ZC3H12B: variants seen among roughly 807,000 people sequenced by gnomAD.
ZC3H12B encodes zinc finger CCCH-type containing 12B, also known as probable ribonuclease ZC3H12B.
ZC3H12B carries 7 observed loss-of-function variants against 43.9 expected under a neutral mutation model. The ratio of observed to expected loss-of-function variants is 0.16; its 90% CI spans 0.09 to 0.30. The LOEUF is 0.30. ZC3H12B is among the 10% of genes least tolerant of loss of function. The pLI is 1.00. For missense variants in ZC3H12B, 475 were observed against 670.2 expected (o/e 0.71, Z 3.22); for synonymous variants, 222 against 241.7 (o/e 0.92, Z 0.76).
At chrX:65,489,360 A>C in exon 1 of ZC3H12B, 1 of 1,208,628 alleles carries the variant, frequency 8.3e-7, no homozygotes, top group Non-Finnish European at 1.1e-6. Flanking sequence ...AATAGATAAC[A>C]GTGACAATTT....
At chrX:65,206,034 A>G in the ZC3H12B span, among the ~76,000 whole-genome samples, 2 of 112,120 alleles carry the variant, frequency 1.8e-5, no homozygotes, top group Non-Finnish European at 1.9e-5. Flanking sequence ...ACAAATGGAA[A>G]CACCATGCTC....
At chrX:65,458,433 TTCCAAAATTGACCACA>T (rs1303636645) in intron 3 of ZC3H12B, among the ~76,000 whole-genome samples, 2 of 111,563 alleles carry the variant, frequency 1.8e-5, no homozygotes, top group Non-Finnish European at 3.8e-5. Context: ...ACCACACTTA[TTCCAAAATTGACCACA>T]TAGTTGGAAG....
chrX:65,287,971 C>T, the ZC3H12B span, among the ~76,000 whole-genome samples: 1 of 95,663 alleles, frequency 1.0e-5, no homozygotes, highest in South Asian at 4.1e-4. Context: ...ACAGCTGATA[C>T]CACTGAAATT....
chrX:65,174,852 G>C, the ZC3H12B span, among the ~76,000 whole-genome samples: 1 of 110,588 alleles, frequency 9.0e-6, no homozygotes, highest in East Asian at 2.8e-4. Context: ...TTGGCTCCCT[G>C]CCTTCAGCCT....
chrX:65,404,828 C>T (rs1456076625), intron 3 of ZC3H12B, among the ~76,000 whole-genome samples: 1 of 112,149 alleles, frequency 8.9e-6, no homozygotes, highest in Non-Finnish European at 1.9e-5. Context: ...AAACATCAGA[C>T]TTGATCTGCA....
chrX:65,153,776 C>T, the ZC3H12B span, among the ~76,000 whole-genome samples: 18 of 111,518 alleles, frequency 1.6e-4, no homozygotes, highest in African/African-American at 5.2e-4. Flanking sequence ...AAGACACATG[C>T]ACATGTATGT....
At chrX:65,085,463 G>T in the ZC3H12B span, among the ~76,000 whole-genome samples, 1 of 111,201 alleles carries the variant, frequency 9.0e-6, no homozygotes, top group Non-Finnish European at 1.9e-5. Context: ...TGGTTTTGTG[G>T]TATTTTGTTT....
At chrX:65,078,662 CAA>C in the ZC3H12B span, among the ~76,000 whole-genome samples, 1 of 111,299 alleles carries the variant, frequency 9.0e-6, no homozygotes, top group Non-Finnish European at 1.9e-5. Flanking sequence ...TGAAGTGTGA[CAA>C]GAGAGTGACA....
intron 2 of ZC3H12B, among the ~76,000 whole-genome samples, chrX:65,384,540 G>GA (rs774829243): frequency 2.7e-5 from 3 of 109,856 alleles, no homozygotes; most frequent in Non-Finnish European, 3.8e-5. Flanking sequence ...TTTTAAAAAG[G>GA]AAAAAAAAGT....
the ZC3H12B span, among the ~76,000 whole-genome samples, chrX:65,304,932 G>A: frequency 9.0e-6 from 1 of 111,499 alleles, no homozygotes; most frequent in African/African-American, 3.3e-5. Flanking sequence ...TTGTACAAGT[G>A]TAATAAATAT....
At chrX:65,165,552 AGTTT>A in the ZC3H12B span, among the ~76,000 whole-genome samples, 5 of 111,833 alleles carry the variant, frequency 4.5e-5, no homozygotes, top group South Asian at 3.7e-4. Flanking sequence ...TTCCTGTGTT[AGTTT>A]GTTTGTTAGT....
chrX:65,212,188 T>TATATAATATTATATATTATATAA, the ZC3H12B span, among the ~76,000 whole-genome samples: 83 of 32,637 alleles, frequency 2.5e-3, 2 homozygotes, highest in African/African-American at 8.0e-3. Context: ...ATATTATATA[T>TATATAATATTATATATTATATAA]TATATAATAT....
the ZC3H12B span, among the ~76,000 whole-genome samples, chrX:65,315,689 A>G: frequency 8.9e-6 from 1 of 112,219 alleles, no homozygotes; most frequent in African/African-American, 3.2e-5. Context: ...ATCGTCAAAG[A>G]TTGAAGGAAC....
At chrX:65,462,661 G>T (rs2067766993) in intron 3 of ZC3H12B, among the ~76,000 whole-genome samples, 1 of 112,036 alleles carries the variant, frequency 8.9e-6, no homozygotes, top group Non-Finnish European at 1.9e-5. Context: ...CTTACACACT[G>T]TTGGTGGGAA....
At chrX:65,272,353 C>T in the ZC3H12B span, 1 of 108,325 alleles carries the variant, frequency 9.2e-6, no homozygotes, top group South Asian at 3.8e-4. Context: ...TTGAATTACA[C>T]TTTCTAAACA....
chrX:65,429,580 C>T (rs1054619073), intron 3 of ZC3H12B, among the ~76,000 whole-genome samples: 1 of 112,487 alleles, frequency 8.9e-6, no homozygotes, highest in Admixed American at 9.3e-5. Context: ...GGGGCTTTCT[C>T]ACCTGGACCA....
chrX:65,338,625 G>A, the ZC3H12B span, among the ~76,000 whole-genome samples: 60 of 112,233 alleles, frequency 5.3e-4, no homozygotes, highest in Non-Finnish European at 1.3e-4. Flanking sequence ...GAAAATACTA[G>A]CAATCTGAAT....
At chrX:65,321,630 C>A in the ZC3H12B span, among the ~76,000 whole-genome samples, 9 of 108,869 alleles carry the variant, frequency 8.3e-5, no homozygotes, top group African/African-American at 3.0e-4. Context: ...TTCACAATAG[C>A]AGAGACGTGG....
chrX:65,066,914 C>T, the ZC3H12B span, among the ~76,000 whole-genome samples: 4 of 111,765 alleles, frequency 3.6e-5, no homozygotes, highest in South Asian at 3.7e-4. Flanking sequence ...GCAGTCTGAA[C>T]TTCCTGGTGG....
Sources: gnomAD v4.1 joint callset for allele counts (sites outside exome capture counted in the v4.1 genomes callset) on GRCh38, gnomAD v4.1.1 for gene constraint, MANE v1.5 for transcripts, NCBI Gene and HGNC (gene_info 2026-07-23, HGNC 2026-07-21) for gene names.